Variants in RBSN observed in about 807,000 individuals in gnomAD.
RBSN encodes the protein rabenosyn, RAB effector, also known as rabenosyn-5.
Under a neutral mutation model 60.5 loss-of-function variants are expected in RBSN, and 34 were observed. The ratio of observed to expected loss-of-function variants is 0.56; its 90% confidence interval spans 0.43 to 0.75. RBSN has a LOEUF of 0.75. Among genes scored for constraint, RBSN ranks in the 30% least tolerant of loss-of-function variants. RBSN has a pLI of 0.00. For missense variants in RBSN, 845 were observed against 986.8 expected (o/e 0.86, Z 1.92); for synonymous variants, 322 against 366.9 (o/e 0.88, Z 1.40).
At position 15,095,956 on chromosome 3, in the gene RBSN, AG is replaced by A; in HGVS notation, c.148+16del. ...TCTCAACGACAGCAGGGGATAGGCA[AG>A]GTCCTCGCCTCTTACTTTTAATTTG... On this transcript the variant is annotated intron_variant, in intron 4 of 13. Coordinates refer to ENST00000253699, the MANE Select transcript of RBSN (RefSeq NM_022340.4). The A allele has an allele frequency of 6.2e-7, 1 of 1,614,228 alleles. No homozygotes were observed.
intron 4 of RBSN, among the ~76,000 whole-genome samples, chr3:15,092,847 T>A (rs1227903936): frequency 6.6e-6 from 1 of 152,202 alleles, no homozygotes; most frequent in Admixed American, 6.5e-5. Flanking sequence ...AAACAGGCAA[T>A]CTATACCATT....
At position 15,077,420 on chromosome 3, in the gene RBSN, C is replaced by A. The variant is rs2043082839; in HGVS notation, c.999-256G>T. 1.3e-5 allele frequency among the ~76,000 whole-genome samples: 2 copies of A among 152,164 alleles called. No homozygotes were observed. The highest frequency in any genetic ancestry group is 6.5e-5 in the Admixed American group (1 of 15,274). ...CAGAGCCAGCTTCACAGGTGAGCAA[C>A]CTATGCAACTGGAAAGGACTGGCAC... On this transcript the variant is annotated intron_variant, in intron 11 of 13. Transcript: ENST00000253699. The surrounding 1 kb of genome is among the most constrained non-coding windows in gnomAD (Gnocchi z 4.4).
chr3:15,086,010 G>T (rs1192404926), intron 5 of RBSN, 49 bp from the exon 6 acceptor site: 1 of 1,503,844 alleles, frequency 6.6e-7, no homozygotes, highest in South Asian at 1.1e-5. Context: ...TTTCTCTGAG[G>T]GAGCCTAGTC....
chr3:15,077,179 A>G lies in RBSN; in HGVS notation c.999-15T>C. ...AGATCTTCTTACTGAATTGGAACAA[A>G]CACATGAATATAATGAGCACTGCCA... is the stretch of plus-strand genomic sequence containing the variant. On this transcript the variant is annotated splice_polypyrimidine_tract_variant and intron_variant, in intron 11 of 13. Coordinates refer to ENST00000253699, the MANE Select transcript of RBSN (RefSeq NM_022340.4). This position sits in a 1 kb window ranked among gnomAD's most constrained non-coding sequence, Gnocchi z 4.4. 1.9e-6 allele frequency: 3 copies of G among 1,604,342 alleles called. No individual in the cohort carries two copies. In the South Asian group the frequency reaches 3.3e-5, roughly 18 times the overall value.
chr3:15,094,962 C>G (rs1042888064), intron 4 of RBSN, among the ~76,000 whole-genome samples: 11 of 152,156 alleles, frequency 7.2e-5, no homozygotes, highest in Non-Finnish European at 1.5e-5. Flanking sequence ...CTGTGAGAAG[C>G]AAGTTAGCTG....
Position 15,070,817 on chromosome 3 carries a change from A to G in RBSN, c.*2965T>C, listed in dbSNP as rs1227220023. On this transcript the variant is annotated 3_prime_UTR_variant, in exon 14 of 14. Transcript: ENST00000253699. ...TTAGTTTGGTTTAGTATATTCAATC[A>G]GTCAGTTTTGTTTGTTTTTTGTGAG... 6.6e-6 allele frequency: 1 copy of G among 152,306 alleles called. No homozygotes were observed. The highest frequency in any genetic ancestry group is 1.5e-5 in the Non-Finnish European group (1 of 68,042). 9.4% of individuals were successfully genotyped at this position (152,306 alleles called of 1,614,324 possible). A position where few individuals can be genotyped will look rare whatever the true frequency, so the allele number is the denominator to read the frequency against.
chr3:15,080,927 T>C, intron 9 of RBSN, 125 bp from the exon 10 acceptor site: 1 of 785,512 alleles, frequency 1.3e-6, no homozygotes, highest in Non-Finnish European at 2.1e-6. Context: ...ATTGTTGTTA[T>C]CAATTTCCTG....
intron 4 of RBSN, among the ~76,000 whole-genome samples, chr3:15,092,329 A>G (rs1182498369): frequency 6.6e-6 from 1 of 152,108 alleles, no homozygotes; most frequent in Non-Finnish European, 1.5e-5. Context: ...ACTGTGGGAC[A>G]GCTTTGTCCA....
rs1431776814 is a variant in RBSN, at chr3:15,084,377, C to T, written c.598+358G>A. Among the ~76,000 whole-genome samples the T allele has an allele frequency of 6.6e-6, 1 of 152,200 alleles. No individual in the cohort carries two copies. The highest frequency in any genetic ancestry group is 2.4e-5 in the African/African-American group (1 of 41,450). ...AAGTGATCCGCCTGCCTTGGCCTCT[C>T]AAAGTGCTGTGATTACAGGCATGAG... On this transcript the variant is annotated intron_variant, in intron 8 of 13. Coordinates refer to ENST00000253699, the MANE Select transcript of RBSN (RefSeq NM_022340.4). This position sits in a 1 kb window ranked among gnomAD's most constrained non-coding sequence, Gnocchi z 4.2.
chr3:15,078,324 A>C (rs1257092942), intron 10 of RBSN, among the ~76,000 whole-genome samples, 163 bp from the exon 11 acceptor site: 1 of 152,202 alleles, frequency 6.6e-6, no homozygotes, highest in African/African-American at 2.4e-5. Flanking sequence ...CTTGGAATGA[A>C]TGAATCAAGT....
rs2043607470 is a variant in RBSN, at chr3:15,094,775, G to A, written c.148+1198C>T. On this transcript the variant is annotated intron_variant, in intron 4 of 13. Coordinates refer to ENST00000253699, the MANE Select transcript of RBSN (RefSeq NM_022340.4). ...ACTCTTTTTTACTGAACAGAAAAGTGAGATAGAGTGAGACTCTAGGGACAA... is the reference window on the plus strand; with the variant it reads ...ACTCTTTTTTACTGAACAGAAAAGTAAGATAGAGTGAGACTCTAGGGACAA... Among the ~76,000 whole-genome samples the A allele has an allele frequency of 2.0e-5, 3 of 152,194 alleles. 1 individual carries two copies. Among genetic ancestry groups the A allele is most frequent in the Non-Finnish European group, 4.4e-5 (3 of 68,046 alleles).
At chr3:15,076,030 C>T (rs1431595218) in intron 12 of RBSN, among the ~76,000 whole-genome samples, 1 of 151,986 alleles carries the variant, frequency 6.6e-6, no homozygotes, top group Non-Finnish European at 1.5e-5. Flanking sequence ...CCCACACTTC[C>T]CTGCTGTAAG....
intron 5 of RBSN, among the ~76,000 whole-genome samples, chr3:15,087,069 C>A (rs545255227): frequency 6.6e-6 from 1 of 152,262 alleles, no homozygotes; most frequent in Non-Finnish European, 1.5e-5. Flanking sequence ...ATATATTCAC[C>A]GTGTACAACA....
intron 4 of RBSN, 75 bp from the exon 5 acceptor site, chr3:15,090,614 A>G: frequency 1.3e-6 from 2 of 1,542,292 alleles, no homozygotes; most frequent in Non-Finnish European, 1.7e-6. Context: ...ATCTCAAAAA[A>G]CAAGAGTTGA....
chr3:15,096,069 G>T lies in RBSN; in HGVS notation c.52C>A (p.Leu18Met). The T allele has an allele frequency of 6.2e-7, 1 of 1,612,532 alleles. No individual in the cohort carries two copies. Among genetic ancestry groups the T allele is most frequent in the Non-Finnish European group, 8.5e-7 (1 of 1,179,064 alleles). Residue 18 changes from leucine to methionine, a missense_variant, in exon 4 of 14, where the codon CTG becomes ATG. Physicochemically the swap from Leu to Met is conservative, Grantham distance 15. Transcript: ENST00000253699. Reference protein sequence around the residue: ...GEVREGFLCPLCLKDLQSFYQ... With the variant: ...GEVREGFLCPMCLKDLQSFYQ... ...AAAGACTGCAGATCCTTCAGGCACAGAGGGCAGAGGAAGCCCTCCCTCACT... is the reference window on the plus strand; with the variant it reads ...AAAGACTGCAGATCCTTCAGGCACATAGGGCAGAGGAAGCCCTCCCTCACT...
intron 4 of RBSN, chr3:15,091,210 CAAAAAAAAAAA>C (rs55655564): frequency 0.35 from 41,372 of 116,550 alleles, 3,579 homozygotes; most frequent in Non-Finnish European, 0.4. Flanking sequence ...GACCCTGTCT[CAAAAAAAAAAA>C]AAAAAAAAAA....
At position 15,072,580 on chromosome 3, in the gene RBSN, A is replaced by C. The variant is rs1216088126; in HGVS notation, c.*1202T>G. On this transcript the variant is annotated 3_prime_UTR_variant, in exon 14 of 14. Coordinates refer to ENST00000253699, the MANE Select transcript of RBSN (RefSeq NM_022340.4). ...TCCTAAATTAGAGACCCGGCCTTTT[A>C]AACAGACCCAGATCAGAGTAACTTT... 6.6e-6 allele frequency: 1 copy of C among 152,236 alleles called. No individual in the cohort carries two copies. The allele number at this position is 152,236 out of a possible 1,614,324, so 9.4% of individuals were successfully genotyped here.
chr3:15,093,522 A>G, intron 4 of RBSN, among the ~76,000 whole-genome samples: 1 of 151,804 alleles, frequency 6.6e-6, no homozygotes, highest in East Asian at 2.0e-4. Flanking sequence ...CTCCTGGGTA[A>G]TTGGGACTAC....
rs1409209008 is a variant in RBSN at position 15,082,991 on chromosome 3, T to C, written c.599-383A>G. ...TTCCAATTCCCTGAGGCAAAAACTA[T>C]CCATCCTTCCCATCAGTTCCCACCA... On this transcript the variant is annotated intron_variant, in intron 8 of 13. Coordinates refer to ENST00000253699, the MANE Select transcript of RBSN (RefSeq NM_022340.4). The surrounding 1 kb of genome is among the most constrained non-coding windows in gnomAD (Gnocchi z 4.2). Among the ~76,000 whole-genome samples the C allele has an allele frequency of 6.6e-6, 1 of 152,146 alleles. No individual in the cohort carries two copies. Among genetic ancestry groups the C allele is most frequent in the Non-Finnish European group, 1.5e-5 (1 of 68,024 alleles).
Sources: gnomAD v4.1 joint callset for allele counts (sites outside exome capture counted in the v4.1 genomes callset) on GRCh38, gnomAD v4.1.1 for gene constraint, Gnocchi (gnomAD v3.1) non-coding constraint, MANE v1.5 for transcripts, NCBI Gene and HGNC (gene_info 2026-07-23, HGNC 2026-07-21) for gene names.